Variants in TRIO observed in about 807,000 individuals in gnomAD.
TRIO encodes trio Rho guanine nucleotide exchange factor, also known as triple functional domain protein.
A neutral mutation model predicts 351.9 loss-of-function variants in TRIO; 58 were observed. The observed-to-expected ratio is 0.16, with a 90% CI of 0.13 to 0.21. The LOEUF (loss-of-function observed/expected upper bound fraction) is 0.21. TRIO is among the 10% of genes least tolerant of loss of function. TRIO has a pLI of 1.00. For missense variants in TRIO, 3,201 were observed against 4,027.8 expected, an observed-to-expected ratio of 0.79 and a Z score of 5.56; for synonymous variants, 1,758 against 1,595.7, an observed-to-expected ratio of 1.10 and a Z score of -2.42.
chr5:14,153,494 C>T (rs1298541331), intron 1 of TRIO, among the ~76,000 whole-genome samples: 1 of 152,212 alleles, frequency 6.6e-6, no homozygotes, highest in East Asian at 1.9e-4. Flanking sequence ...TTCCTCTTCA[C>T]TGTTATCTCT....
Position 14,482,600 on chromosome 5 carries a change from G to A in TRIO, c.6484G>A (p.Gly2162Ser). Residue 2162 changes from glycine to serine, a missense_variant, in exon 46 of 57, where the codon GGT becomes AGT. By Grantham distance (56) the Gly-to-Ser change is moderately conservative. Transcript: ENST00000344204. ...GTTTTAGGGGAAAATCGTTGCCCAG[G>A]GTAAACTGCTCTTGCAGGACACATT... is the stretch of plus-strand genomic sequence containing the variant. ...QGFDGKIVAQ[G>S]KLLLQDTFLV... 1 of 1,508,656 alleles carries A rather than the reference G, an allele frequency of 6.6e-7. No individual in the cohort carries two copies. Among genetic ancestry groups the A allele is most frequent in the African/African-American group, 1.4e-5 (1 of 71,478 alleles). The allele number at this position is 1,508,656 out of a possible 1,614,324, so 93.5% of individuals were successfully genotyped here. A position where few individuals can be genotyped will look rare whatever the true frequency, so the allele number is the denominator to read the frequency against.
intron 34 of TRIO, among the ~76,000 whole-genome samples, chr5:14,434,513 G>T (rs1751432174): frequency 6.6e-6 from 1 of 151,654 alleles, no homozygotes; most frequent in Admixed American, 6.6e-5. Flanking sequence ...AAACAATTAT[G>T]AAATAATTTT....
intron 33 of TRIO, among the ~76,000 whole-genome samples, chr5:14,418,349 G>A (rs966802699): frequency 3.3e-5 from 5 of 152,170 alleles, no homozygotes; most frequent in Admixed American, 2.6e-4. Context: ...TGTTTAGATG[G>A]CTTGGAAGGA....
intron 5 of TRIO, among the ~76,000 whole-genome samples, chr5:14,292,482 T>C (rs1203551964): frequency 2.6e-5 from 4 of 152,258 alleles, no homozygotes; most frequent in African/African-American, 9.6e-5. Flanking sequence ...TAGTTAGTTT[T>C]TCCCACCTTT....
At chr5:14,162,075 C>G (rs1003195605) in intron 1 of TRIO, among the ~76,000 whole-genome samples, 1 of 152,132 alleles carries the variant, frequency 6.6e-6, no homozygotes, top group Non-Finnish European at 1.5e-5. Flanking sequence ...TATGCCAAGG[C>G]ACAGTATTAG....
At chr5:14,435,343 C>T (rs1751494927) in intron 34 of TRIO, among the ~76,000 whole-genome samples, 1 of 152,196 alleles carries the variant, frequency 6.6e-6, no homozygotes, top group African/African-American at 2.4e-5. Flanking sequence ...GTGCAGACTT[C>T]CCGAGGCTCC....
chr5:14,329,518 C>G (rs113727577), intron 9 of TRIO, among the ~76,000 whole-genome samples: 3,674 of 152,286 alleles, frequency 0.024, 150 homozygotes, highest in African/African-American at 0.084. Context: ...GCTCCTTGAT[C>G]TGGGACTTCA....
intron 9 of TRIO, among the ~76,000 whole-genome samples, chr5:14,323,299 A>G (rs1740051316): frequency 6.6e-6 from 1 of 152,140 alleles, no homozygotes; most frequent in South Asian, 2.1e-4. Context: ...AGCCTTGGAA[A>G]AGTCGAATGG....
At chr5:14,505,442 G>A (rs954104068) in intron 55 of TRIO, among the ~76,000 whole-genome samples, 9 of 152,190 alleles carry the variant, frequency 5.9e-5, no homozygotes, top group Admixed American at 5.2e-4. Context: ...GCTTTTCCAT[G>A]GGGAAGGGTA....
chr5:14,448,346 C>T (rs1231237757), intron 34 of TRIO, among the ~76,000 whole-genome samples: 1 of 152,220 alleles, frequency 6.6e-6, no homozygotes, highest in African/African-American at 2.4e-5. Context: ...CTGCCTGGGG[C>T]GGGGGCTGGG....
chr5:14,482,542 T>C (rs1327408370), intron 45 of TRIO, 40 bp from the exon 46 acceptor site: 1 of 1,373,924 alleles, frequency 7.3e-7, no homozygotes, highest in Non-Finnish European at 9.5e-7. Context: ...GGCAATGTTT[T>C]CTTCTCCCCT....
intron 1 of TRIO, among the ~76,000 whole-genome samples, chr5:14,261,666 A>G (rs995694359): frequency 6.6e-6 from 1 of 152,190 alleles, no homozygotes; most frequent in Non-Finnish European, 1.5e-5. Context: ...TCCTGCTTAG[A>G]CACCACTTCC....
At chr5:14,310,464 G>C (rs1285741310) in intron 8 of TRIO, among the ~76,000 whole-genome samples, 1 of 152,238 alleles carries the variant, frequency 6.6e-6, no homozygotes, top group Non-Finnish European at 1.5e-5. Context: ...TGCCAACTTA[G>C]TGTGTGCCTC....
At position 14,304,441 on chromosome 5, in the gene TRIO, T is replaced by C. The variant is rs768746522; in HGVS notation, c.1369-20T>C. 5.0e-6 allele frequency: 8 copies of C among 1,590,426 alleles called. No individual in the cohort carries two copies. The highest frequency in any genetic ancestry group is 6.8e-6 in the Non-Finnish European group (8 of 1,173,720). The stretch of plus-strand genomic sequence containing the variant: ...TATAAATTGTCATTGATAGAAATAA[T>C]CTTTTTTTAACCTTCCAAGTATATG... On this transcript the variant is annotated intron_variant, in intron 7 of 56. Coordinates refer to ENST00000344204, the MANE Select transcript of TRIO (RefSeq NM_007118.4).
intron 1 of TRIO, among the ~76,000 whole-genome samples, chr5:14,212,272 G>A (rs746793163): frequency 2.0e-5 from 3 of 152,142 alleles, no homozygotes; most frequent in Non-Finnish European, 1.5e-5. Context: ...ACCAACAGGC[G>A]GGTTTCTGAG....
intron 34 of TRIO, chr5:14,420,298 A>C: frequency 2.5e-6 from 1 of 405,622 alleles, no homozygotes; most frequent in Non-Finnish European, 4.5e-6. Flanking sequence ...TGATTTTGGA[A>C]CATTCCAGTT....
chr5:14,270,140 C>T (rs1297841765), intron 1 of TRIO, among the ~76,000 whole-genome samples: 2 of 152,206 alleles, frequency 1.3e-5, no homozygotes, highest in African/African-American at 4.8e-5. Flanking sequence ...TCCTTTTCTA[C>T]AATATTCCCA....
At chr5:14,425,435 T>G (rs565810846) in intron 34 of TRIO, among the ~76,000 whole-genome samples, 1 of 152,256 alleles carries the variant, frequency 6.6e-6, no homozygotes, top group East Asian at 1.9e-4. Flanking sequence ...AGATGCCACA[T>G]TGAGTTCAAC....
chr5:14,468,230 G>A (rs539746379), intron 37 of TRIO, among the ~76,000 whole-genome samples: 19 of 152,276 alleles, frequency 1.2e-4, no homozygotes, highest in Non-Finnish European at 2.1e-4. Flanking sequence ...AAACTTTCTC[G>A]GTTTACTCAG....
Sources: allele counts gnomAD v4.1 joint callset (sites outside exome capture counted in the v4.1 genomes callset), GRCh38; gene constraint gnomAD v4.1.1; transcripts MANE v1.5; gene names NCBI Gene and HGNC (gene_info 2026-07-23, HGNC 2026-07-21).